Variants in GLDN observed in about 807,000 individuals in gnomAD.
GLDN encodes gliomedin.
Under a neutral mutation model 56.5 loss-of-function variants are expected in GLDN, and 47 were observed. The ratio of observed to expected loss-of-function variants is 0.83; its 90% CI spans 0.66 to 1.06. The LOEUF is 1.06. Ranked by LOEUF, GLDN falls within the 50% of genes least tolerant of loss-of-function variation. The pLI is 0.00. For missense variants in GLDN, 782 were observed against 714.3 expected (o/e 1.09, Z -1.08); for synonymous variants, 332 against 278.8 (o/e 1.19, Z -1.90).
intron 4 of GLDN, 146 bp downstream of exon 4, chr15:51,384,038 G>C: frequency 1.4e-6 from 1 of 716,752 alleles, no homozygotes; most frequent in African/African-American, 1.8e-5. Context: ...AGAAGCCATT[G>C]CGTTCCGGGA....
At chr15:51,361,182 A>T (rs1365493053) in intron 1 of GLDN, among the ~76,000 whole-genome samples, 1 of 152,192 alleles carries the variant, frequency 6.6e-6, no homozygotes, top group African/African-American at 2.4e-5. Context: ...TTCTCAGCTC[A>T]CTTCAAAACA....
At chr15:51,413,212 T>G in the GLDN span, among the ~76,000 whole-genome samples, 1 of 152,246 alleles carries the variant, frequency 6.6e-6, no homozygotes, top group Non-Finnish European at 1.5e-5. Context: ...GTTTATAATG[T>G]GTATGTTTTT....
At chr15:51,388,867 G>C (rs983217926) in intron 4 of GLDN, among the ~76,000 whole-genome samples, 3 of 152,172 alleles carry the variant, frequency 2.0e-5, no homozygotes, top group Admixed American at 6.5e-5. Flanking sequence ...GAGAATATAG[G>C]GCTTCAGACA....
intron 1 of GLDN, among the ~76,000 whole-genome samples, chr15:51,346,068 T>C (rs2036973461): frequency 6.6e-6 from 1 of 152,174 alleles, no homozygotes; most frequent in South Asian, 2.1e-4. Context: ...AACCAAATGG[T>C]AAAAATAGTA....
chr15:51,370,288 G>A (rs771090329), intron 1 of GLDN, among the ~76,000 whole-genome samples: 1 of 152,118 alleles, frequency 6.6e-6, no homozygotes, highest in Non-Finnish European at 1.5e-5. Context: ...ATCCTCTGAT[G>A]GGATCAGAGT....
chr15:51,365,115 C>CA (rs1406437276), intron 1 of GLDN, among the ~76,000 whole-genome samples: 1 of 152,184 alleles, frequency 6.6e-6, no homozygotes, highest in Non-Finnish European at 1.5e-5. Context: ...GTATTAGAGT[C>CA]TTGGTAGTTC....
rs1015554651 is a variant in GLDN at position 51,407,892 on chromosome 15, G to C, written c.*3138G>C. The C allele has an allele frequency of 1.3e-5, 2 of 152,180 alleles. No individual in the cohort carries two copies. The highest frequency in any genetic ancestry group is 6.5e-5 in the Admixed American group (1 of 15,278). 9.4% of individuals were successfully genotyped at this position (152,180 alleles called of 1,614,324 possible). On this transcript the variant is annotated 3_prime_UTR_variant, in exon 10 of 10. Coordinates refer to ENST00000335449, the MANE Select transcript of GLDN (RefSeq NM_181789.4). ...GTGGCCCTGTGTTTCACAGCATTAA[G>C]AGCCATAATTTCCAACCTGCACAGA... is the stretch of plus-strand genomic sequence containing the variant.
chr15:51,390,506 T>C (rs1268956774), intron 4 of GLDN, among the ~76,000 whole-genome samples: 1 of 152,196 alleles, frequency 6.6e-6, no homozygotes, highest in Non-Finnish European at 1.5e-5. Context: ...ATTTTCTCAC[T>C]TAAGAGTTAA....
At chr15:51,399,793 A>T (rs1332297359) in intron 6 of GLDN, among the ~76,000 whole-genome samples, 2 of 152,198 alleles carry the variant, frequency 1.3e-5, no homozygotes, top group East Asian at 1.9e-4. Flanking sequence ...CTGAAAATGA[A>T]AATCCTTCCA....
At chr15:51,348,410 G>A (rs1480285039) in intron 1 of GLDN, among the ~76,000 whole-genome samples, 9 of 151,964 alleles carry the variant, frequency 5.9e-5, no homozygotes, top group African/African-American at 2.2e-4. Flanking sequence ...ATAGCTTACT[G>A]CCGCCTTGAC....
intron 1 of GLDN, among the ~76,000 whole-genome samples, chr15:51,355,890 C>A (rs1426774287): frequency 6.7e-6 from 1 of 150,154 alleles, no homozygotes; most frequent in Non-Finnish European, 1.5e-5. Context: ...CTGTCTCATC[C>A]TGAGAGATGA....
chr15:51,383,655 A>T (rs1595826211), intron 3 of GLDN, 130 bp from the exon 4 acceptor site: 2 of 942,800 alleles, frequency 2.1e-6, no homozygotes, highest in East Asian at 4.9e-5. Flanking sequence ...GGAAGGAAAG[A>T]AGTGGGAAAG....
intron 6 of GLDN, among the ~76,000 whole-genome samples, chr15:51,399,879 A>G (rs951710003): frequency 2.0e-5 from 3 of 152,128 alleles, no homozygotes; most frequent in African/African-American, 7.2e-5. Flanking sequence ...CATTTCCCCA[A>G]ATTGCTGAGG....
chr15:51,341,806 G>A lies in GLDN; in HGVS notation c.122G>A (p.Trp41Ter). 6.6e-7 allele frequency: 1 copy of A among 1,513,480 alleles called. No individual in the cohort carries two copies. Among genetic ancestry groups the A allele is most frequent in the Non-Finnish European group, 8.8e-7 (1 of 1,139,476 alleles). The allele number at this position is 1,513,480 out of a possible 1,614,324, so 93.8% of individuals were successfully genotyped here. ...GGCACGGTGTTCGCGCTGTGCCAGTGGCGCGGGCTGAGCTCGGCGCTGCGG... is the reference window on the plus strand; with the variant it reads ...GGCACGGTGTTCGCGCTGTGCCAGTAGCGCGGGCTGAGCTCGGCGCTGCGG... ...AAGTVFALCQWRGLSSALRAL... is the reference protein window; with the variant it reads ...AAGTVFALCQ Residue 41 changes from tryptophan to a stop codon, truncating the protein, a stop_gained, in exon 1 of 10, where the codon TGG becomes TAG. Transcript: ENST00000335449. LOFTEE classifies it high-confidence loss of function.
Position 51,406,087 on chromosome 15 carries a change from C to T in GLDN, c.*1333C>T, listed in dbSNP as rs775399868. ...AAGAAGCCGCATAGGATGTGACTTGCGTTTTGAGTAGAGGGGAAGGCTGAT... is the reference window on the plus strand; with the variant it reads ...AAGAAGCCGCATAGGATGTGACTTGTGTTTTGAGTAGAGGGGAAGGCTGAT... On this transcript the variant is annotated 3_prime_UTR_variant, in exon 10 of 10. Transcript: ENST00000335449. The T allele has an allele frequency of 2.6e-5, 4 of 152,072 alleles. No homozygotes were observed. The highest frequency in any genetic ancestry group is 4.4e-5 in the Non-Finnish European group (3 of 68,032). The allele number at this position is 152,072 out of a possible 1,614,324, so 9.4% of individuals were successfully genotyped here.
intron 1 of GLDN, among the ~76,000 whole-genome samples, chr15:51,343,016 T>TC (rs1267716180): frequency 2.0e-5 from 3 of 152,242 alleles, no homozygotes; most frequent in Admixed American, 6.5e-5. Flanking sequence ...ACATTGCAGT[T>TC]CCCCATTCCA....
At chr15:51,345,448 C>T (rs942260951) in intron 1 of GLDN, among the ~76,000 whole-genome samples, 2 of 152,148 alleles carry the variant, frequency 1.3e-5, no homozygotes, top group Non-Finnish European at 2.9e-5. Context: ...AGCCTGGCTA[C>T]TTTAAAGCAG....
intron 9 of GLDN, among the ~76,000 whole-genome samples, chr15:51,403,836 C>A (rs1263629474): frequency 6.6e-6 from 1 of 152,150 alleles, no homozygotes; most frequent in Admixed American, 6.5e-5. Context: ...CTTCATGGGC[C>A]AGTTGCTTCT....
chr15:51,349,639 A>G (rs2037038605), intron 1 of GLDN, among the ~76,000 whole-genome samples: 1 of 152,214 alleles, frequency 6.6e-6, no homozygotes, highest in East Asian at 1.9e-4. Flanking sequence ...AGCAGAGACC[A>G]TGTGACCCAC....
Sources: allele counts gnomAD v4.1 joint callset (sites outside exome capture counted in the v4.1 genomes callset), GRCh38; gene constraint gnomAD v4.1.1; transcripts MANE v1.5; gene names NCBI Gene and HGNC (gene_info 2026-07-23, HGNC 2026-07-21).